FSTL4: variants seen among roughly 807,000 people sequenced by gnomAD.
The protein encoded by FSTL4 is follistatin like 4.
In FSTL4, 28 loss-of-function variants were observed where a neutral mutation model predicts 78.2. The ratio of observed to expected loss-of-function variants is 0.36; its 90% CI spans 0.27 to 0.49. The LOEUF is 0.49. Ranked by LOEUF, FSTL4 falls within the 20% of genes least tolerant of loss-of-function variation. The pLI, the probability that FSTL4 is intolerant of heterozygous loss-of-function variation, is 0.98. For missense variants in FSTL4, 922 were observed against 1,084.9 expected (o/e 0.85, Z 2.11); for synonymous variants, 422 against 440.5 (o/e 0.96, Z 0.53).
chr5:133,720,882 G>A, the FSTL4 span: 3 of 152,208 alleles, frequency 2.0e-5, no homozygotes, highest in Admixed American at 2.0e-4. Flanking sequence ...ACATTTGGGT[G>A]TGCCCCCAAA....
intron 6 of FSTL4, 25 bp from the exon 7 acceptor site, chr5:133,249,601 G>T: frequency 6.3e-7 from 1 of 1,595,502 alleles, no homozygotes; most frequent in Non-Finnish European, 8.6e-7. Context: ...GAGGAGGCAC[G>T]GTCAGGTGCA....
chr5:133,694,945 C>T, the FSTL4 span, among the ~76,000 whole-genome samples: 7 of 152,188 alleles, frequency 4.6e-5, no homozygotes, highest in Non-Finnish European at 1.0e-4. Context: ...CTAATACCAT[C>T]AGCTTGGGGG....
intron 4 of FSTL4, among the ~76,000 whole-genome samples, chr5:133,382,328 C>T (rs1755593250): frequency 6.6e-6 from 1 of 152,100 alleles, no homozygotes; most frequent in Admixed American, 6.5e-5. Context: ...ACTGGGGTGC[C>T]GAGGTTTTGC....
intron 6 of FSTL4, among the ~76,000 whole-genome samples, chr5:133,273,869 T>C (rs1434083029): frequency 1.3e-5 from 2 of 152,146 alleles, no homozygotes; most frequent in Non-Finnish European, 2.9e-5. Context: ...AGTCAGGGCA[T>C]GCAGGAGGTG....
chr5:133,786,650 C>T, the FSTL4 span, among the ~76,000 whole-genome samples: 2 of 152,276 alleles, frequency 1.3e-5, no homozygotes, highest in East Asian at 3.9e-4. Context: ...ATTCCCAAGA[C>T]AGGCCAGCCT....
intron 3 of FSTL4, among the ~76,000 whole-genome samples, chr5:133,507,728 G>A (rs1376378806): frequency 2.6e-5 from 4 of 151,642 alleles, no homozygotes; most frequent in Non-Finnish European, 5.9e-5. Context: ...TCGCTATGTT[G>A]GCCAGGATGG....
the FSTL4 span, among the ~76,000 whole-genome samples, chr5:133,620,779 A>C: frequency 0.022 from 3,371 of 152,236 alleles, 76 homozygotes; most frequent in East Asian, 0.052. Flanking sequence ...TCAGTCTTTT[A>C]TTATAAATGG....
chr5:133,217,395 CT>C lies in FSTL4; in HGVS notation c.1459-18del, dbSNP rs1318216462. ...GATTTCTTCCTGCAAAGGAGATAGG[CT>C]GTCATATATCTTCTTAATTGCCCTT... On this transcript the variant is annotated intron_variant, in intron 12 of 15. Coordinates refer to ENST00000265342, the MANE Select transcript of FSTL4 (RefSeq NM_015082.2). 2 of 1,612,768 alleles carry C rather than the reference CT, an allele frequency of 1.2e-6. No homozygotes were observed. Among genetic ancestry groups the C allele is most frequent in the South Asian group, 2.2e-5 (2 of 90,916 alleles).
chr5:133,410,284 C>T (rs1310889677), intron 3 of FSTL4, among the ~76,000 whole-genome samples: 1 of 152,238 alleles, frequency 6.6e-6, no homozygotes, highest in East Asian at 1.9e-4. Context: ...TCGCATCTGT[C>T]TTATTCCCTG....
In FSTL4 at chr5:133,239,262, C is replaced by T. The variant is rs552731811; in HGVS notation, c.895-5725G>A. Among the ~76,000 whole-genome samples, 20 of 140,250 alleles carry T rather than the reference C, an allele frequency of 1.4e-4. No individual in the cohort carries two copies. The South Asian group carries it at 4.0e-3, about 28-fold the overall frequency. The allele number at this position is 140,250 out of a possible 152,430, so 92.0% of individuals were successfully genotyped here. On this transcript the variant is annotated intron_variant, in intron 7 of 15. Coordinates refer to ENST00000265342, the MANE Select transcript of FSTL4 (RefSeq NM_015082.2). Reference sequence around the variant, plus strand: ...CCCTCCCTGCCAACGTGGGCTCCTGCGCAGCCTGAGCCTCCCAGAAGAGCA... The same window carrying T: ...CCCTCCCTGCCAACGTGGGCTCCTGTGCAGCCTGAGCCTCCCAGAAGAGCA...
At chr5:133,445,618 G>T (rs1736445161) in intron 3 of FSTL4, among the ~76,000 whole-genome samples, 1 of 152,188 alleles carries the variant, frequency 6.6e-6, no homozygotes, top group Non-Finnish European at 1.5e-5. Context: ...CCCCACCTGG[G>T]AGTCTCTAAG....
intron 3 of FSTL4, among the ~76,000 whole-genome samples, chr5:133,411,669 A>C (rs1756480356): frequency 6.6e-6 from 1 of 152,220 alleles, no homozygotes; most frequent in African/African-American, 2.4e-5. Context: ...CAGGAGCCAG[A>C]CAGGGATATT....
upstream of FSTL4, among the ~76,000 whole-genome samples, chr5:133,615,386 C>T (rs539887910): frequency 6.6e-6 from 1 of 152,312 alleles, no homozygotes; most frequent in Admixed American, 6.5e-5. Context: ...TAGGAGAGCC[C>T]TGGATGGGAG....
intron 3 of FSTL4, among the ~76,000 whole-genome samples, chr5:133,472,606 C>T (rs2112849929): frequency 6.6e-6 from 1 of 152,356 alleles, no homozygotes; most frequent in Non-Finnish European, 1.5e-5. Context: ...CTGAATGGCT[C>T]AGAGTTGGTA....
At chr5:133,661,308 G>A in the FSTL4 span, among the ~76,000 whole-genome samples, 538 of 152,204 alleles carry the variant, frequency 3.5e-3, 1 homozygote, top group Middle Eastern at 0.01. Context: ...TGATTTTACC[G>A]CTTACTGTCA....
At chr5:133,445,524 G>C (rs1757246671) in intron 3 of FSTL4, among the ~76,000 whole-genome samples, 1 of 152,216 alleles carries the variant, frequency 6.6e-6, no homozygotes, top group Non-Finnish European at 1.5e-5. Context: ...GGGGTATGCT[G>C]TCTCACCCAG....
the FSTL4 span, among the ~76,000 whole-genome samples, chr5:133,622,665 G>A: frequency 6.6e-6 from 1 of 151,976 alleles, no homozygotes; most frequent in African/African-American, 2.4e-5. Flanking sequence ...TTTCTCTAAT[G>A]GCTCATGATG....
chr5:133,570,626 T>C (rs925198991), intron 2 of FSTL4, among the ~76,000 whole-genome samples: 5 of 152,220 alleles, frequency 3.3e-5, no homozygotes, highest in East Asian at 1.9e-4. Context: ...CCTAGGGACA[T>C]TGTGAAAATT....
chr5:133,731,778 C>T, the FSTL4 span, among the ~76,000 whole-genome samples: 1 of 152,184 alleles, frequency 6.6e-6, no homozygotes, highest in African/African-American at 2.4e-5. Flanking sequence ...GAGCTGCTGA[C>T]CGGAGAGGAA....
Sources: allele counts gnomAD v4.1 joint callset (sites outside exome capture counted in the v4.1 genomes callset), GRCh38; gene constraint gnomAD v4.1.1; transcripts MANE v1.5; gene names NCBI Gene and HGNC (gene_info 2026-07-23, HGNC 2026-07-21).